RAB18: variants seen among roughly 807,000 people sequenced by gnomAD.
The protein encoded by RAB18 is RAB18, member RAS oncogene family.
Under a neutral mutation model 28.5 loss-of-function variants are expected in RAB18, and 10 were observed. The ratio of observed to expected loss-of-function variants is 0.35; its 90% confidence interval spans 0.22 to 0.60. RAB18 has a LOEUF of 0.60. Among genes scored for constraint, RAB18 ranks in the 20% least tolerant of loss-of-function variants. The pLI, the probability that RAB18 is intolerant of heterozygous loss-of-function variation, is 0.78. For missense variants in RAB18, 188 were observed against 244.2 expected, an observed-to-expected ratio of 0.77 and a Z score of 1.53; for synonymous variants, 93 against 86.9, an observed-to-expected ratio of 1.07 and a Z score of -0.39.
Position 27,539,871 on chromosome 10 carries a change from C to G in RAB18, c.*1820C>G, listed in dbSNP as rs1263536407. The G allele has an allele frequency of 4.4e-6, 2 of 453,766 alleles. No individual in the cohort carries two copies. The highest frequency in any genetic ancestry group is 1.4e-4 in the East Asian group (2 of 14,408). 28.1% of individuals were successfully genotyped at this position (453,766 alleles called of 1,614,324 possible). On this transcript the variant is annotated 3_prime_UTR_variant, in exon 7 of 7. Transcript: ENST00000356940. ...AGTATATACATTTCCCTATTACTCT[C>G]ATCAGCTGAAGAATATGTACTATTG...
chr10:27,518,759 T>C (rs911122222), intron 2 of RAB18, among the ~76,000 whole-genome samples: 59 of 152,234 alleles, frequency 3.9e-4, no homozygotes, highest in African/African-American at 1.4e-3. Flanking sequence ...TAACAGCATA[T>C]GTTTTTTATT....
chr10:27,515,365 A>C (rs781685851), intron 2 of RAB18, among the ~76,000 whole-genome samples: 6 of 152,182 alleles, frequency 3.9e-5, no homozygotes, highest in African/African-American at 7.2e-5. Context: ...GGTGCTTTAA[A>C]AACTATTTTC....
intron 2 of RAB18, among the ~76,000 whole-genome samples, chr10:27,512,265 A>C (rs538273653): frequency 6.6e-6 from 1 of 151,874 alleles, no homozygotes; most frequent in Non-Finnish European, 1.5e-5. Flanking sequence ...AATCCATTGT[A>C]ATTTGGCTTT....
Position 27,541,473 on chromosome 10 carries a change from T to C in RAB18, c.*3422T>C, listed in dbSNP as rs898793180. The stretch of plus-strand genomic sequence containing the variant: ...TTGTTTCATACTTGGGAATCAGTCA[T>C]GTTTCTGATTGTGGTATAAAGTTTG... On this transcript the variant is annotated 3_prime_UTR_variant, in exon 7 of 7. Transcript: ENST00000356940. 7 of 453,936 alleles carry C rather than the reference T, an allele frequency of 1.5e-5. No homozygotes were observed. The highest frequency in any genetic ancestry group is 1.4e-4 in the Admixed American group (6 of 42,560). The allele number at this position is 453,936 out of a possible 1,614,324, so 28.1% of individuals were successfully genotyped here. A position where few individuals can be genotyped will look rare whatever the true frequency, so the allele number is the denominator to read the frequency against.
intron 1 of RAB18, among the ~76,000 whole-genome samples, chr10:27,509,599 A>G (rs1834284628): frequency 1.3e-5 from 2 of 152,184 alleles, no homozygotes; most frequent in Admixed American, 1.3e-4. Flanking sequence ...AACAACTACA[A>G]CAAAAACCCC....
At chr10:27,534,328 T>TG (rs2132409593) in intron 6 of RAB18, among the ~76,000 whole-genome samples, 1 of 152,364 alleles carries the variant, frequency 6.6e-6, no homozygotes, top group East Asian at 1.9e-4. Context: ...TTGTTAGCAG[T>TG]GCTTCAGCTC....
intron 3 of RAB18, among the ~76,000 whole-genome samples, chr10:27,528,091 A>G (rs536464266): frequency 6.6e-6 from 1 of 152,242 alleles, no homozygotes; most frequent in East Asian, 1.9e-4. Flanking sequence ...CCTGATTTCC[A>G]TATGCTTTTC....
chr10:27,540,222 T>C lies in RAB18; in HGVS notation c.*2171T>C, dbSNP rs1343071109. ...AGATGCCTTTCTAAGTGCTGAATTA[T>C]CTCATTAAACCTCACAGCAACCTTA... On this transcript the variant is annotated 3_prime_UTR_variant, in exon 7 of 7. Transcript: ENST00000356940. 1 of 453,934 alleles carries C rather than the reference T, an allele frequency of 2.2e-6. No individual in the cohort carries two copies. The highest frequency in any genetic ancestry group is 4.4e-6 in the Non-Finnish European group (1 of 226,758). The allele number at this position is 453,934 out of a possible 1,614,324, so 28.1% of individuals were successfully genotyped here. A position where few individuals can be genotyped will look rare whatever the true frequency, so the allele number is the denominator to read the frequency against.
Position 27,533,787 on chromosome 10 carries a change from T to C in RAB18, c.312T>C (p.Asn104=), listed in dbSNP as rs749583015. 6.2e-7 allele frequency: 1 copy of C among 1,613,608 alleles called. No homozygotes were observed. The highest frequency in any genetic ancestry group is 2.2e-5 in the East Asian group (1 of 44,800). ...DTFVKLDNWL[N]ELETYCTRND... ...TTGTTAAACTGGATAATTGGTTAAA[T>C]GAATTGGAAACATACTGTACAAGAA... The change falls in exon 5 of 7, where the codon AAT becomes AAC. Residue 104 remains asparagine, a synonymous_variant. Coordinates refer to ENST00000356940, the MANE Select transcript of RAB18 (RefSeq NM_021252.5).
intron 2 of RAB18, among the ~76,000 whole-genome samples, chr10:27,520,784 G>T (rs1466645686): frequency 6.6e-6 from 1 of 151,402 alleles, no homozygotes; most frequent in Non-Finnish European, 1.5e-5. Flanking sequence ...AGGCATAGTG[G>T]CGGGCACCTG....
At chr10:27,523,510 G>A (rs566872456) in intron 2 of RAB18, among the ~76,000 whole-genome samples, 10 of 150,242 alleles carry the variant, frequency 6.7e-5, no homozygotes, top group African/African-American at 2.5e-4. Context: ...GGTAGTTTCT[G>A]TTGCTGTGTC....
At chr10:27,507,951 G>A (rs1452754668) in intron 1 of RAB18, among the ~76,000 whole-genome samples, 1 of 151,704 alleles carries the variant, frequency 6.6e-6, no homozygotes, top group Non-Finnish European at 1.5e-5. Context: ...GCTAAGGTGG[G>A]AGGATTAGTG....
chr10:27,522,196 T>A (rs1390799824), intron 2 of RAB18, among the ~76,000 whole-genome samples: 1 of 152,218 alleles, frequency 6.6e-6, no homozygotes, highest in East Asian at 1.9e-4. Context: ...ACACTATTTT[T>A]CCATTTAATT....
chr10:27,536,641 A>G (rs575840994), intron 6 of RAB18, among the ~76,000 whole-genome samples: 2 of 152,238 alleles, frequency 1.3e-5, no homozygotes, highest in Non-Finnish European at 2.9e-5. Context: ...AAGGCTGCAC[A>G]TGACATGTCA....
chr10:27,540,698 A>T lies in RAB18; in HGVS notation c.*2647A>T, dbSNP rs1382238386. 7 of 454,066 alleles carry T rather than the reference A, an allele frequency of 1.5e-5. No homozygotes were observed. The highest frequency in any genetic ancestry group is 1.1e-4 in the South Asian group (7 of 64,466). 28.1% of individuals were successfully genotyped at this position (454,066 alleles called of 1,614,324 possible). ...CCTTCACTTTTTATGTGAGAATAGA[A>T]ATTATGGAAACAGTAATTTGCTCAA... is the stretch of plus-strand genomic sequence containing the variant. On this transcript the variant is annotated 3_prime_UTR_variant, in exon 7 of 7. Transcript: ENST00000356940.
chr10:27,538,082 G>A lies in RAB18; in HGVS notation c.*31G>A. The A allele has an allele frequency of 6.2e-7, 1 of 1,613,226 alleles. No homozygotes were observed. The highest frequency in any genetic ancestry group is 1.3e-5 in the African/African-American group (1 of 75,014). ...GGGAAATTCCATCTCTTGCATATTT[G>A]ATCAGATAGTGACATCTTTCTGTAT... On this transcript the variant is annotated 3_prime_UTR_variant, in exon 7 of 7. Transcript: ENST00000356940.
chr10:27,539,427 A>T lies in RAB18; in HGVS notation c.*1376A>T, dbSNP rs916231450. 4 of 297,384 alleles carry T rather than the reference A, an allele frequency of 1.3e-5. No homozygotes were observed. Among genetic ancestry groups the T allele is most frequent in the Non-Finnish European group, 2.6e-5 (4 of 153,660 alleles). The allele number at this position is 297,384 out of a possible 1,614,324, so 18.4% of individuals were successfully genotyped here. A position where few individuals can be genotyped will look rare whatever the true frequency, so the allele number is the denominator to read the frequency against. ...TTACTTCATGTTGGGTTCTTTCTGA[A>T]ATGTACATCTTTACATATAAAAACC... On this transcript the variant is annotated 3_prime_UTR_variant, in exon 7 of 7. Coordinates refer to ENST00000356940, the MANE Select transcript of RAB18 (RefSeq NM_021252.5).
At chr10:27,522,824 ATTCC>A (rs1564832478) in intron 2 of RAB18, among the ~76,000 whole-genome samples, 2 of 152,034 alleles carry the variant, frequency 1.3e-5, no homozygotes, top group African/African-American at 4.8e-5. Context: ...ACATTCTGTC[ATTCC>A]TTTAACTTCT....
intron 1 of RAB18, among the ~76,000 whole-genome samples, chr10:27,506,986 A>G (rs1264228154): frequency 6.6e-6 from 1 of 152,234 alleles, no homozygotes; most frequent in Non-Finnish European, 1.5e-5. Context: ...AGCTAGATAT[A>G]CATTATTGGC....
Sources: allele counts gnomAD v4.1 joint callset (sites outside exome capture counted in the v4.1 genomes callset), GRCh38; gene constraint gnomAD v4.1.1; transcripts MANE v1.5; gene names NCBI Gene and HGNC (gene_info 2026-07-23, HGNC 2026-07-21).